The following RBM47 variants were observed in gnomAD, a reference collection of about 807,000 sequenced individuals.
RBM47 encodes the protein RNA binding motif protein 47, also known as RNA-binding protein 47.
In RBM47, 21 loss-of-function variants were observed where a neutral mutation model predicts 47.1. The ratio of observed to expected loss-of-function variants is 0.45; its 90% confidence interval spans 0.32 to 0.64. RBM47 has a LOEUF of 0.64. Ranked by LOEUF, RBM47 falls within the 30% of genes least tolerant of loss-of-function variation. RBM47 has a pLI of 0.05. For missense variants in RBM47, 708 were observed against 870.9 expected, an observed-to-expected ratio of 0.81 and a Z score of 2.35; for synonymous variants, 375 against 361.7, an observed-to-expected ratio of 1.04 and a Z score of -0.42.
intron 2 of RBM47, among the ~76,000 whole-genome samples, chr4:40,500,890 A>G (rs534367335): frequency 2.2e-4 from 34 of 152,282 alleles, no homozygotes; most frequent in Non-Finnish European, 2.4e-4. Context: ...AACACTGACC[A>G]TGGTCGTGAC....
chr4:40,437,768 A>C lies in RBM47; in HGVS notation c.1123+3T>G. 6.3e-7 allele frequency: 1 copy of C among 1,594,986 alleles called. No individual in the cohort carries two copies. The highest frequency in any genetic ancestry group is 1.1e-5 in the South Asian group (1 of 90,412). Reference sequence around the variant, plus strand: ...CCCACCCAGGAGAAGAGCCCCCACTAACCTTTCACAAAGTAGTCCCTGTTG... The same window carrying C: ...CCCACCCAGGAGAAGAGCCCCCACTCACCTTTCACAAAGTAGTCCCTGTTG... On this transcript the variant is annotated splice_donor_region_variant and intron_variant, in intron 4 of 6. Coordinates refer to ENST00000295971, the MANE Select transcript of RBM47 (RefSeq NM_001098634.2).
At chr4:40,447,127 C>T (rs1714657362) in intron 3 of RBM47, among the ~76,000 whole-genome samples, 3 of 152,158 alleles carry the variant, frequency 2.0e-5, no homozygotes, top group Non-Finnish European at 4.4e-5. Flanking sequence ...ATGTAGATGC[C>T]AAATCCCCTG....
chr4:40,456,677 T>C (rs1716317740), intron 3 of RBM47, among the ~76,000 whole-genome samples: 1 of 146,546 alleles, frequency 6.8e-6, no homozygotes, highest in African/African-American at 2.5e-5. Context: ...GCAATCCTCC[T>C]ACCTCGACCT....
At chr4:40,498,533 C>G (rs1032188506) in intron 2 of RBM47, among the ~76,000 whole-genome samples, 2 of 151,874 alleles carry the variant, frequency 1.3e-5, no homozygotes, top group Non-Finnish European at 2.9e-5. Context: ...CAAAAATTAG[C>G]CTGGCATGGT....
intron 2 of RBM47, among the ~76,000 whole-genome samples, chr4:40,542,209 T>C (rs1413873893): frequency 6.6e-6 from 1 of 152,204 alleles, no homozygotes; most frequent in Admixed American, 6.5e-5. Flanking sequence ...TCAATCTCTT[T>C]AAGAGGTTTT....
chr4:40,554,334 C>T (rs1007358248), intron 1 of RBM47, among the ~76,000 whole-genome samples: 76 of 149,288 alleles, frequency 5.1e-4, no homozygotes, highest in African/African-American at 1.8e-3. Context: ...GGCTGCTTTG[C>T]TTCTAACGTA....
chr4:40,464,254 T>C (rs1192927266), intron 3 of RBM47, among the ~76,000 whole-genome samples: 1 of 152,218 alleles, frequency 6.6e-6, no homozygotes, highest in African/African-American at 2.4e-5. Flanking sequence ...AGATATGCGG[T>C]AGTCCCCCTT....
At chr4:40,604,775 G>C (rs1735605238) in intron 1 of RBM47, among the ~76,000 whole-genome samples, 1 of 152,128 alleles carries the variant, frequency 6.6e-6, no homozygotes, top group Non-Finnish European at 1.5e-5. Context: ...GGAGTACAGT[G>C]GTGCAATCTC....
At chr4:40,518,718 C>G (rs1047969755) in intron 2 of RBM47, among the ~76,000 whole-genome samples, 1 of 151,986 alleles carries the variant, frequency 6.6e-6, no homozygotes, top group Admixed American at 6.6e-5. Flanking sequence ...GGTGTCCAAT[C>G]TTTTGGCTTC....
chr4:40,436,929 C>T (rs1159678113), intron 4 of RBM47: 88 of 510,328 alleles, frequency 1.7e-4, no homozygotes, highest in Non-Finnish European at 3.0e-4. Flanking sequence ...TACCCACCAC[C>T]CCCTCCCCCC....
intron 2 of RBM47, among the ~76,000 whole-genome samples, chr4:40,476,578 C>A (rs1719642214): frequency 6.6e-6 from 1 of 152,024 alleles, no homozygotes; most frequent in Non-Finnish European, 1.5e-5. Context: ...AACAACAGAT[C>A]AGGAGGACCT....
chr4:40,527,815 C>T (rs1212469834), intron 2 of RBM47, among the ~76,000 whole-genome samples: 2 of 151,634 alleles, frequency 1.3e-5, no homozygotes, highest in Admixed American at 1.3e-4. Context: ...TCCATATGTA[C>T]CACAAAATTC....
At chr4:40,568,827 A>G (rs958601725) in intron 1 of RBM47, among the ~76,000 whole-genome samples, 9 of 151,930 alleles carry the variant, frequency 5.9e-5, no homozygotes, top group African/African-American at 2.2e-4. Flanking sequence ...CTAAAAATAC[A>G]AAAATTAACT....
At chr4:40,543,660 G>A (rs186687253) in intron 2 of RBM47, 3 of 152,050 alleles carry the variant, frequency 2.0e-5, no homozygotes, top group African/African-American at 7.2e-5. Context: ...CAGGTGTGAT[G>A]GTGCGTGCCT....
chr4:40,607,662 A>G (rs1735887356), intron 1 of RBM47, among the ~76,000 whole-genome samples: 1 of 152,220 alleles, frequency 6.6e-6, no homozygotes, highest in Non-Finnish European at 1.5e-5. Flanking sequence ...AGCTGCGGTC[A>G]CATCACTGCA....
chr4:40,488,735 C>G lies in RBM47; in HGVS notation c.-154-22036G>C, dbSNP rs1016637530. Among the ~76,000 whole-genome samples, 4 of 152,174 alleles carry G rather than the reference C, an allele frequency of 2.6e-5. No individual in the cohort carries two copies. The East Asian group carries it at 7.7e-4, about 29-fold the overall frequency. On this transcript the variant is annotated intron_variant, in intron 2 of 6. Coordinates refer to ENST00000295971, the MANE Select transcript of RBM47 (RefSeq NM_001098634.2). Reference sequence around the variant, plus strand: ...AACACAACAACAAGCTCTGTAGCTACTTTACATGGAGTTGACTCAGCAAAG... The same window carrying G: ...AACACAACAACAAGCTCTGTAGCTAGTTTACATGGAGTTGACTCAGCAAAG...
intron 1 of RBM47, among the ~76,000 whole-genome samples, chr4:40,548,928 A>C (rs1010221029): frequency 1.3e-5 from 2 of 152,124 alleles, no homozygotes; most frequent in Non-Finnish European, 2.9e-5. Flanking sequence ...GGCCTCCCAA[A>C]GTGCTGGGAT....
rs958211320 is a variant in RBM47, at chr4:40,601,380, A to G, written c.-240+28016T>C. ...TGTTGGAGAGGCATTTCTACATTGG[A>G]TGGTGTGTCAAACCAGAAAGCCCCG... On this transcript the variant is annotated intron_variant, in intron 1 of 6. Transcript: ENST00000295971. Among the ~76,000 whole-genome samples, 8 of 152,132 alleles carry G rather than the reference A, an allele frequency of 5.3e-5. No individual in the cohort carries two copies. In the East Asian group the frequency reaches 1.2e-3, roughly 22 times the overall value.
At chr4:40,550,611 G>T (rs528189680) in intron 1 of RBM47, among the ~76,000 whole-genome samples, 34 of 152,066 alleles carry the variant, frequency 2.2e-4, no homozygotes, top group Non-Finnish European at 4.4e-4. Flanking sequence ...TAGAGATGGA[G>T]TTTCACCATG....
Sources: allele counts gnomAD v4.1 joint callset (sites outside exome capture counted in the v4.1 genomes callset), GRCh38; gene constraint gnomAD v4.1.1; transcripts MANE v1.5; gene names NCBI Gene and HGNC (gene_info 2026-07-23, HGNC 2026-07-21).